EIF4ENIF1: variants seen among roughly 807,000 people sequenced by gnomAD.
EIF4ENIF1 encodes eukaryotic translation initiation factor 4E transporter.
A neutral mutation model predicts 110.5 loss-of-function variants in EIF4ENIF1; 23 were observed. That is an observed-to-expected ratio of 0.21 (90% CI 0.15 to 0.29). The LOEUF (loss-of-function observed/expected upper bound fraction) is 0.29, where lower values mean the gene tolerates loss of function less well. EIF4ENIF1 is among the 10% of genes least tolerant of loss of function. The pLI is 1.00. For synonymous variants in EIF4ENIF1, 440 were observed against 437.0 expected, an observed-to-expected ratio of 1.01 and a Z score of -0.09; for missense variants, 1,031 against 1,221.1, an observed-to-expected ratio of 0.84 and a Z score of 2.32.
At chr22:31,481,577 A>G (rs1038583589) in intron 2 of EIF4ENIF1, among the ~76,000 whole-genome samples, 3 of 152,208 alleles carry the variant, frequency 2.0e-5, no homozygotes, top group African/African-American at 7.2e-5. Flanking sequence ...AGATTTCTGT[A>G]CTGGAAAAAG....
At chr22:31,463,361 C>A (rs2051060610) in intron 5 of EIF4ENIF1, among the ~76,000 whole-genome samples, 2 of 151,960 alleles carry the variant, frequency 1.3e-5, no homozygotes, top group Non-Finnish European at 2.9e-5. Context: ...AGTCCCCAAG[C>A]ACATGAACTA....
At position 31,462,988 on chromosome 22, in the gene EIF4ENIF1, TCTA is replaced by T. The variant is rs2051047748; in HGVS notation, c.728_730del (p.Leu243_Glu244delinsGln). 1.9e-6 allele frequency: 3 copies of T among 1,614,164 alleles called. No individual in the cohort carries two copies. Among genetic ancestry groups the T allele is most frequent in the Non-Finnish European group, 2.5e-6 (3 of 1,180,036 alleles). On this transcript the variant is annotated inframe_deletion, in exon 6 of 19. Transcript: ENST00000330125. ...TCTTTTTCTCCCTTTGTGATCTTCT[TCTA>T]GTATCTTATCATCAAAGCCAGTCAG...
intron 7 of EIF4ENIF1, among the ~76,000 whole-genome samples, chr22:31,457,234 T>C (rs190432189): frequency 1.3e-5 from 2 of 152,324 alleles, no homozygotes; most frequent in East Asian, 1.9e-4. Context: ...CCAACCTCCA[T>C]AGTTTACATT....
At chr22:31,445,329 C>T (rs2050428719) in intron 14 of EIF4ENIF1, among the ~76,000 whole-genome samples, 2 of 152,270 alleles carry the variant, frequency 1.3e-5, no homozygotes, top group South Asian at 2.1e-4. Flanking sequence ...ATTTTAGGAC[C>T]ACTCTTGGTC....
Position 31,458,584 on chromosome 22 carries a change from G to A in EIF4ENIF1, c.854C>T (p.Pro285Leu). Reference protein sequence around the residue: ...DEVEVILAQEPAADQEVPRDA... With the variant: ...DEVEVILAQELAADQEVPRDA... ...CCTTGGCACTTCCTGATCAGCCGCA[G>A]GCTCCTGTGCAAGGATGACCTCCAC... Residue 285 changes from proline (P) to leucine (L), a missense_variant, in exon 7 of 19, where the codon CCT becomes CTT. Around this residue, in one of 3 missense-constraint regions of EIF4ENIF1, gnomAD observed 704 missense variants for 879.7 expected, o/e 0.80. Coordinates refer to ENST00000330125, the MANE Select transcript of EIF4ENIF1 (RefSeq NM_019843.4). 3 of 1,613,802 alleles carry A rather than the reference G, an allele frequency of 1.9e-6. No individual in the cohort carries two copies. The highest frequency in any genetic ancestry group is 1.1e-5 in the South Asian group (1 of 91,050).
chr22:31,468,414 A>G, intron 3 of EIF4ENIF1, 112 bp from the exon 4 acceptor site: 2 of 1,476,866 alleles, frequency 1.4e-6, no homozygotes, highest in Non-Finnish European at 9.2e-7. Context: ...TCCTTTTTTG[A>G]GACAGGGTCT....
At chr22:31,484,702 C>T (rs538872986) in intron 2 of EIF4ENIF1, among the ~76,000 whole-genome samples, 2 of 152,234 alleles carry the variant, frequency 1.3e-5, no homozygotes, top group South Asian at 2.1e-4. Context: ...GGCGTGGTGG[C>T]GCATGCTTGT....
At position 31,444,593 on chromosome 22, in the gene EIF4ENIF1, A is replaced by G; in HGVS notation, c.2073+13T>C. 1 of 1,612,684 alleles carries G rather than the reference A, an allele frequency of 6.2e-7. No homozygotes were observed. The highest frequency in any genetic ancestry group is 8.5e-7 in the Non-Finnish European group (1 of 1,178,714). ...AGCCTTAAAGTCCTTCACAGTTACT[A>G]AAGGTCACTGACCATGCTTGTGATG... On this transcript the variant is annotated intron_variant, in intron 15 of 18. Transcript: ENST00000330125.
chr22:31,478,277 G>A (rs538768271), intron 2 of EIF4ENIF1, among the ~76,000 whole-genome samples: 4 of 152,210 alleles, frequency 2.6e-5, no homozygotes, highest in Non-Finnish European at 1.5e-5. Context: ...AACATTGGGA[G>A]GCCGAGACCA....
At chr22:31,450,021 G>A (rs1569071806) in intron 11 of EIF4ENIF1, among the ~76,000 whole-genome samples, 3 of 152,150 alleles carry the variant, frequency 2.0e-5, no homozygotes, top group Admixed American at 6.5e-5. Context: ...GTGAGCCACC[G>A]TGCCTGGCTA....
chr22:31,463,292 G>C (rs1382488449), intron 5 of EIF4ENIF1, among the ~76,000 whole-genome samples, 159 bp from the exon 6 acceptor site: 2 of 151,964 alleles, frequency 1.3e-5, no homozygotes, highest in African/African-American at 4.8e-5. Context: ...ACTGGTTTAA[G>C]AGCAGGCTGT....
At chr22:31,488,279 G>A (rs911937025) in intron 2 of EIF4ENIF1, among the ~76,000 whole-genome samples, 2 of 152,130 alleles carry the variant, frequency 1.3e-5, no homozygotes, top group African/African-American at 2.4e-5. Context: ...ACTTTGTAAC[G>A]CATCCTAGGG....
At chr22:31,482,142 T>A (rs1182981804) in intron 2 of EIF4ENIF1, among the ~76,000 whole-genome samples, 1 of 148,768 alleles carries the variant, frequency 6.7e-6, no homozygotes, top group African/African-American at 2.5e-5. Flanking sequence ...CACTCCAGCC[T>A]GGATAACAGT....
intron 5 of EIF4ENIF1, 151 bp from the exon 6 acceptor site, chr22:31,463,284 TG>T (rs942479677): frequency 6.4e-5 from 46 of 717,644 alleles, no homozygotes; most frequent in Admixed American, 4.0e-4. Context: ...CCTCCCTGAC[TG>T]GTTTAAGAGC....
downstream of EIF4ENIF1, among the ~76,000 whole-genome samples, chr22:31,438,922 A>G (rs1281435529): frequency 2.0e-5 from 3 of 152,058 alleles, no homozygotes; most frequent in Non-Finnish European, 4.4e-5. Flanking sequence ...GGATTTCACC[A>G]TCTTGGCTAG....
In EIF4ENIF1 at chr22:31,456,495, T is replaced by A. The variant is rs560470135; in HGVS notation, c.964-508A>T. ...GCCTTGGCCTCCCAAAGTGCTGGGATTACAAGCATGAGCCACCACACCCGG... is the reference window on the plus strand; with the variant it reads ...GCCTTGGCCTCCCAAAGTGCTGGGAATACAAGCATGAGCCACCACACCCGG... On this transcript the variant is annotated intron_variant, in intron 7 of 18. Coordinates refer to ENST00000330125, the MANE Select transcript of EIF4ENIF1 (RefSeq NM_019843.4). Among the ~76,000 whole-genome samples, 17 of 151,816 alleles carry A rather than the reference T, an allele frequency of 1.1e-4. No homozygotes were observed. The East Asian group carries it at 2.9e-3, about 26-fold the overall frequency.
chr22:31,458,058 T>G (rs775800355), intron 7 of EIF4ENIF1, among the ~76,000 whole-genome samples: 6 of 151,772 alleles, frequency 4.0e-5, no homozygotes, highest in Non-Finnish European at 5.9e-5. Flanking sequence ...TGAAACCCCA[T>G]CTCTACTAAA....
chr22:31,473,926 T>G (rs1039343515), intron 2 of EIF4ENIF1, among the ~76,000 whole-genome samples: 8 of 152,160 alleles, frequency 5.3e-5, no homozygotes, highest in Non-Finnish European at 1.0e-4. Context: ...ACTCTTCATT[T>G]TGCCACTCTA....
chr22:31,471,888 G>C lies in EIF4ENIF1; in HGVS notation c.126C>G (p.Pro42=), dbSNP rs1484185490. Residue 42 remains proline, a synonymous_variant, in exon 3 of 19, where the codon CCC becomes CCG. Transcript: ENST00000330125. ...KEELLDIKEL[P]HSKQRPSCLS... ...GGCATGAAGGCCTCTGTTTGGAATG[G>C]GGGAGTTCTTTTATATCCAAGAGTT... 6.2e-7 allele frequency: 1 copy of C among 1,605,078 alleles called. No individual in the cohort carries two copies. Among genetic ancestry groups the C allele is most frequent in the African/African-American group, 1.3e-5 (1 of 74,278 alleles).
Sources: gnomAD v4.1 joint callset for allele counts (sites outside exome capture counted in the v4.1 genomes callset) on GRCh38, gnomAD v4.1.1 for gene constraint, gnomAD v4.1.1 regional missense constraint, MANE v1.5 for transcripts, NCBI Gene and HGNC (gene_info 2026-07-23, HGNC 2026-07-21) for gene names.